CEP170: variants seen among roughly 807,000 people sequenced by gnomAD.
CEP170 encodes centrosomal protein 170.
CEP170 carries 21 observed loss-of-function variants against 151.9 expected under a neutral mutation model. That is an observed-to-expected ratio of 0.14 (90% CI 0.10 to 0.20). The LOEUF (loss-of-function observed/expected upper bound fraction) is 0.20. Ranked by LOEUF, CEP170 falls within the 10% of genes least tolerant of loss-of-function variation. The pLI, the probability that CEP170 is intolerant of heterozygous loss-of-function variation, is 1.00. For missense variants in CEP170, 964 were observed against 1,892.9 expected (o/e 0.51, Z 9.11); for synonymous variants, 356 against 648.8 (o/e 0.55, Z 6.86).
intron 14 of CEP170, among the ~76,000 whole-genome samples, chr1:243,152,951 T>C (rs2057245942): frequency 6.6e-6 from 1 of 152,234 alleles, no homozygotes; most frequent in Non-Finnish European, 1.5e-5. Flanking sequence ...GAAAATCTTT[T>C]GGAAAGGATT....
chr1:243,218,698 T>C (rs945896653), intron 3 of CEP170, among the ~76,000 whole-genome samples: 2 of 152,338 alleles, frequency 1.3e-5, no homozygotes, highest in East Asian at 3.9e-4. Context: ...AAACTTGTCT[T>C]TGCTGCTTTT....
At chr1:243,199,635 A>T (rs548336196) in intron 6 of CEP170, among the ~76,000 whole-genome samples, 52 of 152,242 alleles carry the variant, frequency 3.4e-4, no homozygotes, top group African/African-American at 1.1e-3. Context: ...GTAAAAGACA[A>T]AGCTAAAGTA....
intron 10 of CEP170, among the ~76,000 whole-genome samples, chr1:243,178,200 G>A (rs1183922427): frequency 6.7e-6 from 1 of 150,006 alleles, no homozygotes; most frequent in Non-Finnish European, 1.5e-5. Context: ...GTGGTGGCAA[G>A]TGCTTGTAGT....
At chr1:243,242,183 C>T (rs894165374) in intron 1 of CEP170, among the ~76,000 whole-genome samples, 3 of 152,056 alleles carry the variant, frequency 2.0e-5, no homozygotes, top group Non-Finnish European at 2.9e-5. Flanking sequence ...GACCCAATAT[C>T]CACTAGGAAA....
intron 8 of CEP170, among the ~76,000 whole-genome samples, chr1:243,187,996 C>T (rs1009472137): frequency 5.9e-5 from 9 of 151,884 alleles, no homozygotes; most frequent in Admixed American, 1.3e-4. Flanking sequence ...GTTGACTACT[C>T]AAAATGCAAT....
chr1:243,164,674 G>T lies in CEP170; in HGVS notation c.3286C>A (p.Arg1096=), dbSNP rs772224247. ...SSKSTTLPRP[R]PTRTSLLRRA... ...CGCAAGAGGGAAGTCCTGGTAGGTC[G>T]TGGCCTTGGAAGGGTGGTTGATTTA... Residue 1096 remains arginine (R), a synonymous_variant, in exon 13 of 20, where the codon CGA becomes AGA. Transcript: ENST00000366542. The T allele has an allele frequency of 2.5e-6, 4 of 1,613,794 alleles. No homozygotes were observed. The highest frequency in any genetic ancestry group is 1.1e-5 in the South Asian group (1 of 91,064).
chr1:243,241,792 TAA>T (rs34933017), intron 1 of CEP170, among the ~76,000 whole-genome samples: 101 of 139,950 alleles, frequency 7.2e-4, no homozygotes, highest in Admixed American at 8.7e-4. Flanking sequence ...TCCCTCTCAT[TAA>T]AAAAAAAAAA....
At chr1:243,139,806 A>G (rs1481263402) in intron 16 of CEP170, 131 bp downstream of exon 16, 7 of 795,598 alleles carry the variant, frequency 8.8e-6, no homozygotes, top group African/African-American at 3.4e-5. Flanking sequence ...ATGTGATGTC[A>G]TGGTGAAATT....
At chr1:243,213,388 T>C (rs975165004) in intron 3 of CEP170, among the ~76,000 whole-genome samples, 3 of 152,190 alleles carry the variant, frequency 2.0e-5, no homozygotes, top group African/African-American at 7.2e-5. Flanking sequence ...AAGAGCACAG[T>C]TGAAAATCCA....
chr1:243,185,239 T>C lies in CEP170; in HGVS notation c.1566+540A>G, dbSNP rs1177016705. On this transcript the variant is annotated intron_variant, in intron 10 of 19. Transcript: ENST00000366542. This position sits in a 1 kb window ranked among gnomAD's most constrained non-coding sequence, Gnocchi z 4.9. ...GTGGTTAAACTAGTAAACTAAATCA[T>C]AAACAACTGATTTTGTTTTCATATA... Among the ~76,000 whole-genome samples, 2 of 152,210 alleles carry C rather than the reference T, an allele frequency of 1.3e-5. No individual in the cohort carries two copies. Among genetic ancestry groups the C allele is most frequent in the African/African-American group, 4.8e-5 (2 of 41,452 alleles).
At chr1:243,224,783 T>C (rs1043398086) in intron 2 of CEP170, among the ~76,000 whole-genome samples, 1 of 152,232 alleles carries the variant, frequency 6.6e-6, no homozygotes, top group Non-Finnish European at 1.5e-5. Flanking sequence ...TCTTCACTTA[T>C]GCTTGAACTC....
chr1:243,218,331 G>A (rs1456065319), intron 3 of CEP170, among the ~76,000 whole-genome samples: 1 of 152,232 alleles, frequency 6.6e-6, no homozygotes, highest in Non-Finnish European at 1.5e-5. Flanking sequence ...GGCACAGGAG[G>A]GGTAGGGCAG....
At chr1:243,201,520 C>A (rs961007645) in intron 4 of CEP170, among the ~76,000 whole-genome samples, 10 of 152,270 alleles carry the variant, frequency 6.6e-5, no homozygotes, top group African/African-American at 2.2e-4. Context: ...GTAGAGGTCA[C>A]ATTTCCCACC....
intron 16 of CEP170, among the ~76,000 whole-genome samples, chr1:243,139,262 C>T (rs535501699): frequency 4.6e-5 from 7 of 152,100 alleles, no homozygotes; most frequent in Admixed American, 2.6e-4. Context: ...CCACCACGCC[C>T]GGCTAATTTT....
At chr1:243,246,659 T>C (rs1380796913) in intron 1 of CEP170, among the ~76,000 whole-genome samples, 1 of 152,188 alleles carries the variant, frequency 6.6e-6, no homozygotes, top group East Asian at 1.9e-4. Context: ...CATGATAAAA[T>C]GTTACCAAAT....
chr1:243,223,797 G>A (rs1307158219), intron 2 of CEP170, among the ~76,000 whole-genome samples: 1 of 152,122 alleles, frequency 6.6e-6, no homozygotes, highest in African/African-American at 2.4e-5. Context: ...AAGAAGATCA[G>A]TTTAGTACTC....
intron 7 of CEP170, among the ~76,000 whole-genome samples, chr1:243,197,274 T>C (rs2060720650): frequency 1.3e-5 from 2 of 152,004 alleles, no homozygotes; most frequent in South Asian, 4.1e-4. Context: ...CAGACATCCT[T>C]GGTTTTCTTT....
chr1:243,223,491 G>A (rs2062983476), intron 2 of CEP170, among the ~76,000 whole-genome samples: 1 of 152,156 alleles, frequency 6.6e-6, no homozygotes, highest in African/African-American at 2.4e-5. Flanking sequence ...AGGACAGGCT[G>A]CTTCACTAAG....
intron 1 of CEP170, among the ~76,000 whole-genome samples, chr1:243,243,554 T>G (rs2065070104): frequency 6.6e-6 from 1 of 151,646 alleles, no homozygotes; most frequent in African/African-American, 2.4e-5. Flanking sequence ...GACAGAGTCT[T>G]GCTCTGTTGC....
Sources: allele counts gnomAD v4.1 joint callset (sites outside exome capture counted in the v4.1 genomes callset), GRCh38; gene constraint gnomAD v4.1.1; non-coding constraint Gnocchi (gnomAD v3.1); transcripts MANE v1.5; gene names NCBI Gene and HGNC (gene_info 2026-07-23, HGNC 2026-07-21).